The following YJU2B variants were observed in gnomAD, a reference collection of about 807,000 sequenced individuals.
The protein encoded by YJU2B is probable splicing factor YJU2B.
Under a neutral mutation model 38.0 loss-of-function variants are expected in YJU2B, and 18 were observed. The observed-to-expected ratio is 0.47, with a 90% CI of 0.33 to 0.70. The LOEUF (loss-of-function observed/expected upper bound fraction) is 0.70. Among genes scored for constraint, YJU2B ranks in the 30% least tolerant of loss-of-function variants. The pLI is 0.02. For missense variants in YJU2B, 538 were observed against 556.3 expected (o/e 0.97, Z 0.33); for synonymous variants, 246 against 225.4 (o/e 1.09, Z -0.82).
Position 13,762,712 on chromosome 19 carries a change from C to G in YJU2B, c.835C>G (p.Arg279Gly). 6.2e-7 allele frequency: 1 copy of G among 1,606,638 alleles called. No individual in the cohort carries two copies. Among genetic ancestry groups the G allele is most frequent in the East Asian group, 2.2e-5 (1 of 44,842 alleles). The change falls in exon 10 of 10, where the codon CGC becomes GGC. Residue 279 changes from arginine (R) to glycine (G), a missense_variant. Arg to Gly is a moderately radical substitution (Grantham distance 125). Coordinates refer to ENST00000221554, the MANE Select transcript of YJU2B (RefSeq NM_030818.4). ...CGTCCTGAAGAAGCTGGCACAGAGCCGCAGAACCGCGCTTGCCACCTCCCC... is the reference window on the plus strand; with the variant it reads ...CGTCCTGAAGAAGCTGGCACAGAGCGGCAGAACCGCGCTTGCCACCTCCCC... ...SGVLKKLAQSRRTALATSPIT... is the reference protein window; with the variant it reads ...SGVLKKLAQSGRTALATSPIT...
Position 13,759,205 on chromosome 19 carries a change from T to C in YJU2B, c.506T>C (p.Ile169Thr), listed in dbSNP as rs781762907. 6.2e-7 allele frequency: 1 copy of C among 1,613,520 alleles called. No homozygotes were observed. Among genetic ancestry groups the C allele is most frequent in the Admixed American group, 1.7e-5 (1 of 59,954 alleles). ...LKKALPTLSH[I>T]QEAQSAWKDD... ...AAGGCGCTGCCCACACTGAGCCACA[T>C]CCAGGAGGCCCAGAGCGCCTGGAAG... is the stretch of plus-strand genomic sequence containing the variant. Residue 169 changes from isoleucine (I) to threonine (T), a missense_variant, in exon 8 of 10, where the codon ATC becomes ACC. Ile to Thr is a moderately conservative substitution (Grantham distance 89). Around this residue, in one of 2 missense-constraint regions of YJU2B, gnomAD observed 488 missense variants for 469.5 expected, o/e 1.04. Coordinates refer to ENST00000221554, the MANE Select transcript of YJU2B (RefSeq NM_030818.4).
upstream of YJU2B, among the ~76,000 whole-genome samples, chr19:13,745,105 G>A (rs1164021151): frequency 6.6e-6 from 1 of 152,184 alleles, no homozygotes; most frequent in Non-Finnish European, 1.5e-5. Context: ...ATGAGCAGTT[G>A]TAGGTCAGCT....
intron 1 of YJU2B, among the ~76,000 whole-genome samples, chr19:13,749,146 G>A (rs1973359337): frequency 6.6e-6 from 1 of 152,176 alleles, no homozygotes; most frequent in African/African-American, 2.4e-5. Context: ...TGGGATTACA[G>A]GCGTACGCCA....
rs553243071 is a variant in YJU2B, at chr19:13,762,974, C to T, written c.1097C>T (p.Ser366Phe). The change falls in exon 10 of 10, where the codon TCC becomes TTC. Residue 366 changes from serine (S) to phenylalanine (F), a missense_variant. Ser to Phe is a radical substitution (Grantham distance 155). Coordinates refer to ENST00000221554, the MANE Select transcript of YJU2B (RefSeq NM_030818.4). The part of the protein sequence containing the change: ...RQDKPLSPAG[S>F]SQEAADTPDT... Reference sequence around the variant, plus strand: ...GACAAGCCCCTGTCGCCAGCAGGCTCCTCCCAGGAGGCAGCTGACACCCCC... The same window carrying T: ...GACAAGCCCCTGTCGCCAGCAGGCTTCTCCCAGGAGGCAGCTGACACCCCC... The T allele has an allele frequency of 3.7e-6, 6 of 1,611,536 alleles. No homozygotes were observed. Among genetic ancestry groups the T allele is most frequent in the South Asian group, 1.1e-5 (1 of 90,938 alleles).
chr19:13,751,915 T>C (rs565084809), intron 2 of YJU2B, 104 bp downstream of exon 2: 1 of 1,110,016 alleles, frequency 9.0e-7, no homozygotes, highest in Admixed American at 1.8e-5. Flanking sequence ...ATGATTTCAA[T>C]CTCCGGGTCA....
At position 13,762,342 on chromosome 19, in the gene YJU2B, CCTT is replaced by C. The variant is rs761512197; in HGVS notation, c.618_620del (p.Leu207del). 6.2e-7 allele frequency: 1 copy of C among 1,613,938 alleles called. No homozygotes were observed. Among genetic ancestry groups the C allele is most frequent in the Non-Finnish European group, 8.5e-7 (1 of 1,180,020 alleles). ...CAGGAGGAGGAGGAGAGAGACCAGG[CCTT>C]GCAGGCCAAGGCGAGCCTGACCATC... On this transcript the variant is annotated inframe_deletion, in exon 9 of 10. Coordinates refer to ENST00000221554, the MANE Select transcript of YJU2B (RefSeq NM_030818.4).
In YJU2B at chr19:13,762,583, C is replaced by T. The variant is rs760148211; in HGVS notation, c.713-7C>T. 3.9e-6 allele frequency: 6 copies of T among 1,531,454 alleles called. No homozygotes were observed. Among genetic ancestry groups the T allele is most frequent in the South Asian group, 1.3e-5 (1 of 79,666 alleles). 94.9% of individuals were successfully genotyped at this position (1,531,454 alleles called of 1,614,324 possible). On this transcript the variant is annotated splice_polypyrimidine_tract_variant and splice_region_variant and intron_variant, in intron 9 of 9. Coordinates refer to ENST00000221554, the MANE Select transcript of YJU2B (RefSeq NM_030818.4). ...CCGCCCCTGAAATGTCCTCTCCTCT[C>T]CTCTAGCCTACGAGGACAAGCAGAA... is the stretch of plus-strand genomic sequence containing the variant.
chr19:13,751,964 G>C (rs759523898), intron 2 of YJU2B, among the ~76,000 whole-genome samples, 153 bp downstream of exon 2: 3 of 152,070 alleles, frequency 2.0e-5, no homozygotes, highest in Non-Finnish European at 4.4e-5. Context: ...GTGGCTTTGC[G>C]CTAACATCAC....
At chr19:13,749,294 G>A (rs934303425) in intron 1 of YJU2B, among the ~76,000 whole-genome samples, 18 of 152,136 alleles carry the variant, frequency 1.2e-4, no homozygotes, top group African/African-American at 4.3e-4. Context: ...GTGAGCCACC[G>A]AGTCCGGCCC....
In YJU2B at chr19:13,763,028, C is replaced by T. The variant is rs1292616459; in HGVS notation, c.1151C>T (p.Ser384Phe). Residue 384 changes from serine (S) to phenylalanine (F), a missense_variant, in exon 10 of 10, where the codon TCC becomes TTC. This residue lies in a region of YJU2B where 488 missense variants were observed against 469.5 expected (regional missense o/e 1.04). Coordinates refer to ENST00000221554, the MANE Select transcript of YJU2B (RefSeq NM_030818.4). Reference protein sequence around the residue: ...PDTRHPCSLGSSLVADYSDSE... With the variant: ...PDTRHPCSLGFSLVADYSDSE... Reference sequence around the variant, plus strand: ...ACGCGGCACCCCTGCAGTCTCGGCTCCTCCCTCGTGGCGGACTACTCCGAC... The same window carrying T: ...ACGCGGCACCCCTGCAGTCTCGGCTTCTCCCTCGTGGCGGACTACTCCGAC... 1 of 1,583,102 alleles carries T rather than the reference C, an allele frequency of 6.3e-7. No homozygotes were observed. The highest frequency in any genetic ancestry group is 2.2e-5 in the East Asian group (1 of 44,554).
intron 2 of YJU2B, among the ~76,000 whole-genome samples, chr19:13,733,192 G>A (rs565291442): frequency 6.6e-6 from 1 of 151,324 alleles, no homozygotes; most frequent in Non-Finnish European, 1.5e-5. Context: ...GCCTCCCAAA[G>A]TGCTGGGATT....
intron 8 of YJU2B, chr19:13,761,267 A>C (rs1427847697): frequency 1.3e-5 from 2 of 151,966 alleles, no homozygotes; most frequent in Non-Finnish European, 2.9e-5. Flanking sequence ...CTGTAGTCCC[A>C]GCTACTTGGG....
chr19:13,756,435 A>G (rs1215212903), intron 4 of YJU2B, among the ~76,000 whole-genome samples, 156 bp downstream of exon 4: 2 of 152,172 alleles, frequency 1.3e-5, no homozygotes, highest in African/African-American at 4.8e-5. Flanking sequence ...TGACAAAACA[A>G]TAAGCATTTA....
upstream of YJU2B, among the ~76,000 whole-genome samples, chr19:13,743,702 G>A (rs1429295633): frequency 7.4e-6 from 1 of 135,018 alleles, no homozygotes; most frequent in South Asian, 2.4e-4. Context: ...AGACCAGCCT[G>A]GCCAACATGA....
chr19:13,753,574 CAA>C (rs34397712), intron 2 of YJU2B, among the ~76,000 whole-genome samples: 108 of 71,860 alleles, frequency 1.5e-3, no homozygotes, highest in African/African-American at 6.1e-3. Context: ...AACTCTGTCT[CAA>C]AAAAAAAAAA....
upstream of YJU2B, chr19:13,731,753 C>T (rs1454219435): frequency 2.0e-5 from 3 of 152,278 alleles, no homozygotes; most frequent in Non-Finnish European, 4.4e-5. Flanking sequence ...CGCGCGCTCA[C>T]TTGCGCATGC....
At chr19:13,750,761 C>CT (rs1193805543) in intron 1 of YJU2B, among the ~76,000 whole-genome samples, 1 of 148,490 alleles carries the variant, frequency 6.7e-6, no homozygotes, top group East Asian at 2.0e-4. Context: ...ACTCAGGAGA[C>CT]TGAGGCATGA....
intron 3 of YJU2B, among the ~76,000 whole-genome samples, chr19:13,755,244 C>T (rs1301977596): frequency 1.3e-5 from 2 of 151,310 alleles, no homozygotes; most frequent in South Asian, 2.1e-4. Flanking sequence ...AGGTGGATCA[C>T]CAGGTCGAGA....
chr19:13,737,043 G>T (rs114382557), intron 2 of YJU2B, among the ~76,000 whole-genome samples: 1 of 106,472 alleles, frequency 9.4e-6, no homozygotes, highest in Admixed American at 8.7e-5. Flanking sequence ...AAAAAAAAAA[G>T]AAAAAAGAGG....
Sources: gnomAD v4.1 joint callset for allele counts (sites outside exome capture counted in the v4.1 genomes callset) on GRCh38, gnomAD v4.1.1 for gene constraint, gnomAD v4.1.1 regional missense constraint, MANE v1.5 for transcripts, NCBI Gene and HGNC (gene_info 2026-07-23, HGNC 2026-07-21) for gene names.